Variants in IGF1 observed in about 807,000 individuals in gnomAD.
IGF1 encodes insulin-like growth factor 1.
Under a neutral mutation model 13.8 loss-of-function variants are expected in IGF1, and 4 were observed. That is an observed-to-expected ratio of 0.29 (90% CI 0.14 to 0.66). IGF1 has a LOEUF of 0.66. IGF1 is among the 30% of genes least tolerant of loss of function. IGF1 has a pLI of 0.78. For missense variants in IGF1, 124 were observed against 188.5 expected (o/e 0.66, Z 2.00); for synonymous variants, 76 against 72.6 (o/e 1.05, Z -0.23).
At chr12:102,450,633 A>G (rs781324848) in intron 2 of IGF1, among the ~76,000 whole-genome samples, 2 of 152,264 alleles carry the variant, frequency 1.3e-5, no homozygotes, top group African/African-American at 4.8e-5. Flanking sequence ...AAATACAGAT[A>G]CAGGGCACAT....
chr12:102,461,721 G>A lies in IGF1; in HGVS notation c.220+13922C>T, dbSNP rs186267162. On this transcript the variant is annotated intron_variant, in intron 2 of 3. Coordinates refer to ENST00000337514, the MANE Select transcript of IGF1 (RefSeq NM_000618.5). ...TAGAAGTTCCAATTTCCAGTTCACAGAAGGTCAGGCCATGGGGTTATCCTT... is the reference window on the plus strand; with the variant it reads ...TAGAAGTTCCAATTTCCAGTTCACAAAAGGTCAGGCCATGGGGTTATCCTT... Among the ~76,000 whole-genome samples, 111 of 152,284 alleles carry A rather than the reference G, an allele frequency of 7.3e-4. 1 individual carries two copies. The highest frequency in any genetic ancestry group is 2.3e-3 in the African/African-American group (96 of 41,560).
chr12:102,431,916 G>A (rs1435185221), intron 2 of IGF1, among the ~76,000 whole-genome samples: 4 of 152,146 alleles, frequency 2.6e-5, no homozygotes, highest in Non-Finnish European at 5.9e-5. Flanking sequence ...ATCTTACCCA[G>A]TGCATTGTGA....
intron 2 of IGF1, among the ~76,000 whole-genome samples, chr12:102,428,044 T>C (rs1876364946): frequency 6.6e-6 from 1 of 151,412 alleles, no homozygotes; most frequent in Non-Finnish European, 1.5e-5. Context: ...CAAGGCAATA[T>C]GGTATATTGA....
chr12:102,413,572 G>A (rs930085263), intron 3 of IGF1, among the ~76,000 whole-genome samples: 1 of 152,098 alleles, frequency 6.6e-6, no homozygotes, highest in Non-Finnish European at 1.5e-5. Context: ...TTTGAAAAAA[G>A]ATCAAATGCT....
intron 2 of IGF1, among the ~76,000 whole-genome samples, chr12:102,456,395 G>C (rs569477576): frequency 2.0e-5 from 3 of 152,080 alleles, no homozygotes; most frequent in Non-Finnish European, 4.4e-5. Flanking sequence ...ATACTTCAGG[G>C]AGGAAAAGGT....
chr12:102,413,124 G>A (rs1459508996), intron 3 of IGF1, among the ~76,000 whole-genome samples: 1 of 152,192 alleles, frequency 6.6e-6, no homozygotes, highest in Non-Finnish European at 1.5e-5. Flanking sequence ...TTTAAGTATT[G>A]AGGTGAGCAT....
At chr12:102,481,791 A>G (rs35767), upstream of IGF1, 112,270 of 150,184 alleles carry the variant, frequency 0.75, 42,941 homozygotes, top group Non-Finnish European at 0.84. Flanking sequence ...TTTTTTTTCC[A>G]CATGACTCTC....
In IGF1 at chr12:102,398,991, C is replaced by T. The variant is rs887049076; in HGVS notation, c.*3516G>A. On this transcript the variant is annotated 3_prime_UTR_variant, in exon 4 of 4. Transcript: ENST00000337514. ...TTTCATCTACACAAACATTGACGTT[C>T]CAAGGAGAGGAAGGATTCTCAAGGG... 3 of 152,378 alleles carry T rather than the reference C, an allele frequency of 2.0e-5. No individual in the cohort carries two copies. The highest frequency in any genetic ancestry group is 7.2e-5 in the African/African-American group (3 of 41,380). 9.4% of individuals were successfully genotyped at this position (152,378 alleles called of 1,614,324 possible).
intron 2 of IGF1, among the ~76,000 whole-genome samples, chr12:102,434,735 A>G (rs1427060975): frequency 1.3e-5 from 2 of 151,884 alleles, no homozygotes; most frequent in East Asian, 3.9e-4. Flanking sequence ...GACTTCCACA[A>G]TGGTTGAACT....
At chr12:102,423,740 C>T (rs1364694407) in intron 2 of IGF1, among the ~76,000 whole-genome samples, 1 of 152,118 alleles carries the variant, frequency 6.6e-6, no homozygotes, top group Non-Finnish European at 1.5e-5. Context: ...GGGTTTTGGG[C>T]AGAACTGTGG....
At position 102,397,961 on chromosome 12, in the gene IGF1, T is replaced by C. The variant is rs1041186418; in HGVS notation, c.*4546A>G. 1.3e-5 allele frequency: 2 copies of C among 152,368 alleles called. No homozygotes were observed. The highest frequency in any genetic ancestry group is 4.8e-5 in the African/African-American group (2 of 41,432). The allele number at this position is 152,368 out of a possible 1,614,324, so 9.4% of individuals were successfully genotyped here. A position where few individuals can be genotyped will look rare whatever the true frequency, so the allele number is the denominator to read the frequency against. On this transcript the variant is annotated 3_prime_UTR_variant, in exon 4 of 4. Transcript: ENST00000337514. ...CTTCAACAAGTCAAACATACATTTC[T>C]ATCTAGCCTATAGTTTTAAAGAGTC...
At chr12:102,406,997 G>T (rs947092102) in intron 3 of IGF1, among the ~76,000 whole-genome samples, 1 of 150,986 alleles carries the variant, frequency 6.6e-6, no homozygotes, top group Non-Finnish European at 1.5e-5. Context: ...AGGAGGCTGA[G>T]GCAGGAAAAT....
chr12:102,415,556 T>TTCCTTCCTTCCTTCCTTCCTTCCG (rs1875044268), intron 3 of IGF1: 2 of 131,946 alleles, frequency 1.5e-5, no homozygotes, highest in African/African-American at 5.8e-5. Context: ...CCTTCCTTCC[T>TTCCTTCCTTCCTTCCTTCCTTCCG]TCCTTCCTTC....
At chr12:102,446,639 G>A (rs77077468) in intron 2 of IGF1, among the ~76,000 whole-genome samples, 107 of 151,928 alleles carry the variant, frequency 7.0e-4, no homozygotes, top group African/African-American at 2.4e-3. Flanking sequence ...TCTTGCTAGC[G>A]GTCTATCTAT....
In IGF1 at chr12:102,431,208, G is replaced by A. The variant is rs978631212; in HGVS notation, c.221-11518C>T. ...TTGAAGCTTAGTTAAGTTCTCTAAC[G>A]TGATTTAAACACAGTGCAGAAAACA... On this transcript the variant is annotated intron_variant, in intron 2 of 3. Transcript: ENST00000337514. Among the ~76,000 whole-genome samples, 64 of 152,164 alleles carry A rather than the reference G, an allele frequency of 4.2e-4. 1 individual carries two copies. The highest frequency in any genetic ancestry group is 1.5e-4 in the Non-Finnish European group (10 of 68,030).
rs1880970400 is a variant in IGF1 at position 102,475,624 on chromosome 12, G to T, written c.220+19C>A. 2 of 1,613,660 alleles carry T rather than the reference G, an allele frequency of 1.2e-6. No homozygotes were observed. The highest frequency in any genetic ancestry group is 1.3e-5 in the African/African-American group (1 of 74,914). On this transcript the variant is annotated intron_variant, in intron 2 of 3. Transcript: ENST00000337514. ...ACACTTTAGACTTGAGCAGCACATT[G>T]AGAGGGAGGGCTACTTACTGAAATA...
At chr12:102,441,081 A>G (rs541074165) in intron 2 of IGF1, among the ~76,000 whole-genome samples, 3 of 152,320 alleles carry the variant, frequency 2.0e-5, no homozygotes, top group African/African-American at 7.2e-5. Context: ...TCTTCTATGC[A>G]GTCCCTTCAC....
intron 3 of IGF1, chr12:102,415,572 T>TTCCTTCCG (rs1875055287): frequency 7.2e-6 from 1 of 139,252 alleles, no homozygotes; most frequent in African/African-American, 2.8e-5. Flanking sequence ...CCTTCCTTCC[T>TTCCTTCCG]TCCTTCCTTC....
chr12:102,441,600 G>A (rs139745154), intron 2 of IGF1, among the ~76,000 whole-genome samples: 45 of 152,308 alleles, frequency 3.0e-4, no homozygotes, highest in Non-Finnish European at 4.4e-4. Flanking sequence ...TTCAGAGCTC[G>A]TGGGCAGAGG....
Sources: gnomAD v4.1 joint callset for allele counts (sites outside exome capture counted in the v4.1 genomes callset) on GRCh38, gnomAD v4.1.1 for gene constraint, MANE v1.5 for transcripts, NCBI Gene and HGNC (gene_info 2026-07-23, HGNC 2026-07-21) for gene names.